The following ANKS1B variants were observed in gnomAD, a reference collection of about 807,000 sequenced individuals.
ANKS1B encodes the protein ankyrin repeat and sterile alpha motif domain containing 1B.
Under a neutral mutation model 148.3 loss-of-function variants are expected in ANKS1B, and 36 were observed. That is an observed-to-expected ratio of 0.24 (90% confidence interval 0.19 to 0.32). The LOEUF (loss-of-function observed/expected upper bound fraction) is 0.32. Among genes scored for constraint, ANKS1B ranks in the 10% least tolerant of loss-of-function variants. The pLI is 1.00. For missense variants in ANKS1B, 1,157 were observed against 1,542.6 expected (o/e 0.75, Z 4.19); for synonymous variants, 542 against 560.8 (o/e 0.97, Z 0.47).
chr12:99,727,866 C>T (rs969591783), intron 8 of ANKS1B, among the ~76,000 whole-genome samples: 1 of 152,088 alleles, frequency 6.6e-6, no homozygotes, highest in African/African-American at 2.4e-5. Context: ...CTTTGACAAA[C>T]CTGACAAAAA....
chr12:99,265,542 G>A (rs1304379705), intron 12 of ANKS1B, among the ~76,000 whole-genome samples: 6 of 152,138 alleles, frequency 3.9e-5, no homozygotes, highest in Non-Finnish European at 5.9e-5. Flanking sequence ...TACTGATCAC[G>A]AGTTAGGAGA....
rs1326821642 is a variant in ANKS1B at position 99,811,481 on chromosome 12, T to G, written c.372+674A>C. Among the ~76,000 whole-genome samples the G allele has an allele frequency of 2.6e-5, 4 of 151,916 alleles. No individual in the cohort carries two copies. In the East Asian group the frequency reaches 5.8e-4, roughly 22 times the overall value. On this transcript the variant is annotated intron_variant, in intron 3 of 26. Coordinates refer to ENST00000683438, the MANE Select transcript of ANKS1B (RefSeq NM_001352186.2). Reference sequence around the variant, plus strand: ...CTGTATTAGGGGACCATATTTTACTTTCTAGAATCTGTGGTCCTATCTGTT... The same window carrying G: ...CTGTATTAGGGGACCATATTTTACTGTCTAGAATCTGTGGTCCTATCTGTT...
intron 8 of ANKS1B, among the ~76,000 whole-genome samples, chr12:99,730,519 A>G (rs532593393): frequency 1.8e-4 from 27 of 152,338 alleles, no homozygotes; most frequent in South Asian, 1.0e-3. Flanking sequence ...CAGAACCCCT[A>G]TATCTCAGCA....
chr12:99,268,696 T>C (rs2076707448), intron 12 of ANKS1B, among the ~76,000 whole-genome samples: 2 of 152,240 alleles, frequency 1.3e-5, no homozygotes, highest in Non-Finnish European at 2.9e-5. Flanking sequence ...CATAATTTCC[T>C]TTTTTATTCT....
chr12:98,856,524 T>G (rs2099572588), intron 17 of ANKS1B, among the ~76,000 whole-genome samples: 1 of 152,214 alleles, frequency 6.6e-6, no homozygotes, highest in African/African-American at 2.4e-5. Flanking sequence ...GAAGACTGAT[T>G]TGTTAACAAA....
intron 9 of ANKS1B, among the ~76,000 whole-genome samples, chr12:99,560,805 AG>A (rs1417603279): frequency 4.7e-5 from 7 of 150,220 alleles, no homozygotes; most frequent in Non-Finnish European, 1.0e-4. Flanking sequence ...TGGTTGCTGA[AG>A]ATTGGGGTTG....
intron 10 of ANKS1B, among the ~76,000 whole-genome samples, chr12:99,453,802 A>AG (rs1365772569): frequency 6.6e-6 from 1 of 152,374 alleles, no homozygotes; most frequent in Admixed American, 6.5e-5. Context: ...CTTGTTTTGA[A>AG]GGAGCTGACT....
chr12:99,744,888 A>T (rs1205338811), intron 8 of ANKS1B, among the ~76,000 whole-genome samples: 1 of 147,418 alleles, frequency 6.8e-6, no homozygotes, highest in East Asian at 2.1e-4. Context: ...GCTACTCAGG[A>T]GGCTGAGGCA....
Position 98,923,388 on chromosome 12 carries a change from T to C in ANKS1B, c.2779-91252A>G, listed in dbSNP as rs145891653. ...AAACTACCCGTCTCAGGTAGTCTGTTCTAGCAACATAAAACAGACTAAGAC... is the reference window on the plus strand; with the variant it reads ...AAACTACCCGTCTCAGGTAGTCTGTCCTAGCAACATAAAACAGACTAAGAC... On this transcript the variant is annotated intron_variant, in intron 17 of 26. Transcript: ENST00000683438. Among the ~76,000 whole-genome samples, 604 of 152,282 alleles carry C rather than the reference T, an allele frequency of 4.0e-3. 3 individuals carry two copies. Among genetic ancestry groups the C allele is most frequent in the African/African-American group, 0.014 (575 of 41,556 alleles).
intron 1 of ANKS1B, among the ~76,000 whole-genome samples, chr12:99,851,701 T>C (rs1565861066): frequency 6.6e-6 from 1 of 152,160 alleles, no homozygotes; most frequent in South Asian, 2.1e-4. Flanking sequence ...AAAGATGATG[T>C]TGGTAACCCA....
At chr12:99,534,822 G>A (rs1172696223) in intron 9 of ANKS1B, among the ~76,000 whole-genome samples, 2 of 147,580 alleles carry the variant, frequency 1.4e-5, no homozygotes, top group Admixed American at 7.0e-5. Flanking sequence ...CCATTCTCCT[G>A]CCTCAGCCTC....
intron 12 of ANKS1B, among the ~76,000 whole-genome samples, chr12:99,331,849 G>A (rs1566909033): frequency 6.6e-6 from 1 of 151,992 alleles, no homozygotes; most frequent in Non-Finnish European, 1.5e-5. Context: ...GAGAGCTTAT[G>A]TAGAGAAAAA....
chr12:99,648,205 ACGGCC>A (rs1187136329), intron 9 of ANKS1B: 9 of 1,614,052 alleles, frequency 5.6e-6, no homozygotes, highest in Non-Finnish European at 6.8e-6. Flanking sequence ...ACCGTATTAC[ACGGCC>A]CAAAGCAGCC....
At position 98,798,995 on chromosome 12, in the gene ANKS1B, G is replaced by C; in HGVS notation, c.3281C>G (p.Ser1094Cys). The stretch of plus-strand genomic sequence containing the variant: ...CCCCCTAAGCTCTTTTATCAGCATA[G>C]AACCTAAATACTAAAATACAAAAAA... ...SCDYKAFYLG[S>C]MLIKELRGTE... The change falls in exon 22 of 27, where the codon TCT becomes TGT. Residue 1094 changes from serine (S) to cysteine (C), a missense_variant. Coordinates refer to ENST00000683438, the MANE Select transcript of ANKS1B (RefSeq NM_001352186.2). The C allele has an allele frequency of 6.2e-7, 1 of 1,601,038 alleles. No individual in the cohort carries two copies. The highest frequency in any genetic ancestry group is 8.5e-7 in the Non-Finnish European group (1 of 1,174,370).
intron 12 of ANKS1B, among the ~76,000 whole-genome samples, chr12:99,332,200 C>T (rs1465691927): frequency 6.6e-6 from 1 of 152,016 alleles, no homozygotes; most frequent in African/African-American, 2.4e-5. Flanking sequence ...TATGGCTCCA[C>T]TCAAATCTAC....
chr12:99,967,050 C>G (rs2095492670), intron 1 of ANKS1B, among the ~76,000 whole-genome samples: 1 of 152,104 alleles, frequency 6.6e-6, no homozygotes, highest in African/African-American at 2.4e-5. Flanking sequence ...TAGGTTAAGA[C>G]AGTGTAAACA....
chr12:99,547,158 C>T (rs1001363073), intron 9 of ANKS1B, among the ~76,000 whole-genome samples: 10 of 151,900 alleles, frequency 6.6e-5, no homozygotes, highest in Non-Finnish European at 1.5e-4. Context: ...TGAGTTTGCC[C>T]CTTTACTTTC....
intron 12 of ANKS1B, among the ~76,000 whole-genome samples, chr12:99,369,828 G>A (rs1016255334): frequency 8.2e-5 from 12 of 146,490 alleles, no homozygotes; most frequent in Non-Finnish European, 1.8e-4. Flanking sequence ...ACAGACGGAC[G>A]GATAGACAGA....
intron 17 of ANKS1B, among the ~76,000 whole-genome samples, chr12:98,978,675 C>G (rs535937435): frequency 1.3e-5 from 2 of 151,782 alleles, no homozygotes; most frequent in Non-Finnish European, 2.9e-5. Context: ...AAATAATATA[C>G]CAATTAATGT....
Sources: gnomAD v4.1 joint callset for allele counts (sites outside exome capture counted in the v4.1 genomes callset) on GRCh38, gnomAD v4.1.1 for gene constraint, MANE v1.5 for transcripts, NCBI Gene and HGNC (gene_info 2026-07-23, HGNC 2026-07-21) for gene names.